Variants in UBR4 observed in about 807,000 individuals in gnomAD.
UBR4 encodes the protein ubiquitin protein ligase E3 component n-recognin 4.
Under a neutral mutation model 575.6 loss-of-function variants are expected in UBR4, and 124 were observed. That is an observed-to-expected ratio of 0.22 (90% CI 0.19 to 0.25). UBR4 has a LOEUF of 0.25. UBR4 is among the 10% of genes least tolerant of loss of function. UBR4 has a pLI of 1.00. For missense variants in UBR4, 4,818 were observed against 6,478.8 expected (o/e 0.74, Z 8.80); for synonymous variants, 2,455 against 2,473.7 (o/e 0.99, Z 0.22).
chr1:19,141,616 T>A (rs1368519528), intron 56 of UBR4, 31 bp downstream of exon 56: 1 of 1,611,728 alleles, frequency 6.2e-7, no homozygotes, highest in East Asian at 2.2e-5. Flanking sequence ...GTGAAGCTCC[T>A]CCTCCCCTTC....
At chr1:19,129,226 A>C in intron 60 of UBR4, 152 bp from the exon 61 acceptor site, 1 of 620,148 alleles carries the variant, frequency 1.6e-6, no homozygotes, top group Non-Finnish European at 2.8e-6. Context: ...AAAAGTTAAG[A>C]ACTGCCTAAT....
chr1:19,192,471 C>G lies in UBR4; in HGVS notation c.1203+10G>C. 1 of 1,614,168 alleles carries G rather than the reference C, an allele frequency of 6.2e-7. No individual in the cohort carries two copies. Among genetic ancestry groups the G allele is most frequent in the Non-Finnish European group, 8.5e-7 (1 of 1,180,026 alleles). On this transcript the variant is annotated intron_variant, in intron 10 of 105. Coordinates refer to ENST00000375254, the MANE Select transcript of UBR4 (RefSeq NM_020765.3). Reference sequence around the variant, plus strand: ...AGGAAGTATGCAGCAGAGACAGATACGCTTCTTACCTCACCACCAGCCCGG... The same window carrying G: ...AGGAAGTATGCAGCAGAGACAGATAGGCTTCTTACCTCACCACCAGCCCGG...
chr1:19,121,666 G>T (rs2081193080), intron 67 of UBR4, among the ~76,000 whole-genome samples: 1 of 152,204 alleles, frequency 6.6e-6, no homozygotes, highest in Non-Finnish European at 1.5e-5. Context: ...GGGTTCTCTA[G>T]ACTCCACCTA....
chr1:19,209,830 C>T (rs1266872130), intron 1 of UBR4, among the ~76,000 whole-genome samples: 1 of 152,202 alleles, frequency 6.6e-6, no homozygotes, highest in Non-Finnish European at 1.5e-5. Flanking sequence ...CCGGCCACGC[C>T]CTCCCGCAGG....
At position 19,160,170 on chromosome 1, in the gene UBR4, G is replaced by C; in HGVS notation, c.5518C>G (p.Gln1840Glu). 1.2e-6 allele frequency: 2 copies of C among 1,614,082 alleles called. No individual in the cohort carries two copies. The highest frequency in any genetic ancestry group is 1.3e-5 in the African/African-American group (1 of 75,018). ...SAVGSSSRAQQALSELHTVEK... is the reference protein window; with the variant it reads ...SAVGSSSRAQEALSELHTVEK... ...ACAGTGTGTAGCTCACTGAGGGCTT[G>C]CTGAGCACGGCTGCTGCTCCCGACG... The change falls in exon 39 of 106, where the codon CAA (glutamine) becomes GAA (glutamate). Residue 1840 changes from glutamine (Q) to glutamate (E), a missense_variant. This residue lies in a region of UBR4 where 159 missense variants were observed against 174.6 expected (regional missense o/e 0.91). Coordinates refer to ENST00000375254, the MANE Select transcript of UBR4 (RefSeq NM_020765.3).
intron 55 of UBR4, 73 bp from the exon 56 acceptor site, chr1:19,141,850 T>C: frequency 6.3e-7 from 1 of 1,579,742 alleles, no homozygotes; most frequent in Non-Finnish European, 8.6e-7. Context: ...ATAAGTCAGG[T>C]GGCAACAAAA....
intron 37 of UBR4, 146 bp from the exon 38 acceptor site, chr1:19,161,293 T>C (rs958094286): frequency 9.9e-6 from 8 of 805,194 alleles, no homozygotes; most frequent in Middle Eastern, 3.0e-4. Flanking sequence ...CTGATCTTCA[T>C]AGTATTCACC....
At chr1:19,090,995 C>G (rs1241544358) in intron 97 of UBR4, among the ~76,000 whole-genome samples, 1 of 151,772 alleles carries the variant, frequency 6.6e-6, no homozygotes, top group African/African-American at 2.4e-5. Context: ...ACTCGGGAGG[C>G]TGAGACAGGA....
intron 20 of UBR4, among the ~76,000 whole-genome samples, chr1:19,175,249 C>T (rs1420918762): frequency 6.6e-6 from 1 of 151,046 alleles, no homozygotes; most frequent in African/African-American, 2.4e-5. Flanking sequence ...ATGCCAGTAG[C>T]ACCCCCAGTT....
At position 19,170,813 on chromosome 1, in the gene UBR4, A is replaced by G. The variant is rs998160408; in HGVS notation, c.3592T>C (p.Phe1198Leu). ...GAGCCAATAGCCAAAACAGCAGCAA[A>G]GCCTTGCAGTTTCTCCTTGGAAGGT... ...EKPSKEKLQG[F>L]AAVLAIGSSR... Residue 1198 changes from phenylalanine (F) to leucine (L), a missense_variant, in exon 26 of 106, where the codon TTT (phenylalanine) becomes CTT (leucine). This residue lies in a region of UBR4 where 1,172 missense variants were observed against 1,259.7 expected (regional missense o/e 0.93). Transcript: ENST00000375254. 6.2e-7 allele frequency: 1 copy of G among 1,614,094 alleles called. No individual in the cohort carries two copies. Among genetic ancestry groups the G allele is most frequent in the Non-Finnish European group, 8.5e-7 (1 of 1,180,046 alleles).
chr1:19,133,258 C>G (rs974650073), intron 60 of UBR4, among the ~76,000 whole-genome samples: 34 of 152,002 alleles, frequency 2.2e-4, no homozygotes, highest in Middle Eastern at 3.2e-3. Flanking sequence ...AATCAATTAA[C>G]GTAATCTATA....
At position 19,148,553 on chromosome 1, in the gene UBR4, A is replaced by C; in HGVS notation, c.7494+10T>G. The C allele has an allele frequency of 6.2e-7, 1 of 1,614,162 alleles. No individual in the cohort carries two copies. Among genetic ancestry groups the C allele is most frequent in the South Asian group, 1.1e-5 (1 of 91,076 alleles). On this transcript the variant is annotated intron_variant, in intron 50 of 105. Transcript: ENST00000375254. ...AGAAAGCTTCCATGTGCTTTGAAAAAGTGACTTGCCTTCTCGATGATTGGG... is the reference window on the plus strand; with the variant it reads ...AGAAAGCTTCCATGTGCTTTGAAAACGTGACTTGCCTTCTCGATGATTGGG...
At chr1:19,180,433 C>T (rs1157008602) in intron 17 of UBR4, among the ~76,000 whole-genome samples, 1 of 151,756 alleles carries the variant, frequency 6.6e-6, no homozygotes, top group Non-Finnish European at 1.5e-5. Context: ...AGGTGATCTA[C>T]CCACCTCCCA....
At chr1:19,209,992 C>A in intron 1 of UBR4, 81 bp downstream of exon 1, 1 of 1,406,552 alleles carries the variant, frequency 7.1e-7, no homozygotes, top group Non-Finnish European at 9.3e-7. Context: ...AGGGGGCGGC[C>A]CGGAAAGCGG....
At chr1:19,181,102 G>A (rs144054877) in intron 17 of UBR4, among the ~76,000 whole-genome samples, 70 of 152,216 alleles carry the variant, frequency 4.6e-4, no homozygotes, top group African/African-American at 1.4e-3. Flanking sequence ...ACCTTAGGCC[G>A]AGCACAGTGG....
At chr1:19,126,041 G>C (rs2081727768) in intron 64 of UBR4, among the ~76,000 whole-genome samples, 1 of 152,020 alleles carries the variant, frequency 6.6e-6, no homozygotes, top group Non-Finnish European at 1.5e-5. Flanking sequence ...CACAAGATGG[G>C]ACTTATCCCA....
At chr1:19,175,625 T>A (rs548073226) in intron 20 of UBR4, among the ~76,000 whole-genome samples, 1 of 152,262 alleles carries the variant, frequency 6.6e-6, no homozygotes, top group East Asian at 1.9e-4. Flanking sequence ...CACATTCGTT[T>A]CAGACCAGCA....
chr1:19,176,546 A>G, intron 20 of UBR4, 46 bp downstream of exon 20: 4 of 1,598,424 alleles, frequency 2.5e-6, no homozygotes, highest in South Asian at 2.2e-5. Context: ...AACCCCACCA[A>G]TGAGAATCAG....
At chr1:19,114,420 A>G (rs61766783) in intron 75 of UBR4, among the ~76,000 whole-genome samples, 14,705 of 152,092 alleles carry the variant, frequency 0.097, 785 homozygotes, top group Non-Finnish European at 0.12. Flanking sequence ...CTGTTCTTTA[A>G]TATCTAGAAC....
Sources: gnomAD v4.1 joint callset for allele counts (sites outside exome capture counted in the v4.1 genomes callset) on GRCh38, gnomAD v4.1.1 for gene constraint, gnomAD v4.1.1 regional missense constraint, MANE v1.5 for transcripts, NCBI Gene and HGNC (gene_info 2026-07-23, HGNC 2026-07-21) for gene names.